Variants in PLEKHM3 observed in about 807,000 individuals in gnomAD.
PLEKHM3 encodes pleckstrin homology domain containing M3.
In PLEKHM3, 45 loss-of-function variants were observed where a neutral mutation model predicts 81.8. The ratio of observed to expected loss-of-function variants is 0.55; its 90% confidence interval spans 0.43 to 0.71. The LOEUF is 0.71. PLEKHM3 is among the 30% of genes least tolerant of loss of function. The probability of loss-of-function intolerance (pLI) is 0.00; values close to 1 mark genes in which losing one functional copy is unlikely to be tolerated. For missense variants in PLEKHM3, 788 were observed against 924.3 expected (o/e 0.85, Z 1.91); for synonymous variants, 352 against 356.4 (o/e 0.99, Z 0.14).
intron 6 of PLEKHM3, among the ~76,000 whole-genome samples, chr2:207,886,284 GGGGATTC>G (rs1432027113): frequency 1.3e-5 from 2 of 152,108 alleles, no homozygotes; most frequent in African/African-American, 2.4e-5. Flanking sequence ...TATGAGCCCA[GGGGATTC>G]CAACAAGAAG....
At chr2:207,982,217 C>T (rs1243312374) in intron 2 of PLEKHM3, among the ~76,000 whole-genome samples, 1 of 143,756 alleles carries the variant, frequency 7.0e-6, no homozygotes, top group East Asian at 2.1e-4. Context: ...TCGTTCCTCC[C>T]TCCCTCCCTC....
At chr2:207,874,143 G>A (rs1011474704) in intron 6 of PLEKHM3, among the ~76,000 whole-genome samples, 13 of 152,210 alleles carry the variant, frequency 8.5e-5, no homozygotes, top group Admixed American at 3.9e-4. Context: ...CTGTACATCC[G>A]GAATATGGAT....
intron 5 of PLEKHM3, among the ~76,000 whole-genome samples, chr2:207,928,937 G>A (rs949191467): frequency 6.6e-6 from 1 of 152,238 alleles, no homozygotes; most frequent in East Asian, 1.9e-4. Context: ...CAGACATTGC[G>A]CTAAGTGAAA....
chr2:207,920,525 C>T (rs1386647024), intron 5 of PLEKHM3, among the ~76,000 whole-genome samples: 2 of 151,944 alleles, frequency 1.3e-5, no homozygotes, highest in Non-Finnish European at 2.9e-5. Flanking sequence ...AAAGCTAGTC[C>T]AAACAGCTGG....
chr2:207,850,402 A>G (rs1229324185), intron 7 of PLEKHM3, among the ~76,000 whole-genome samples: 2 of 152,254 alleles, frequency 1.3e-5, no homozygotes, highest in African/African-American at 2.4e-5. Context: ...AATGTTCTTC[A>G]TAGTGAAAAA....
chr2:208,005,287 T>C (rs1692460951), intron 1 of PLEKHM3, among the ~76,000 whole-genome samples: 1 of 152,238 alleles, frequency 6.6e-6, no homozygotes, highest in Non-Finnish European at 1.5e-5. Context: ...CTATACTTTT[T>C]TCAGAATTCT....
At chr2:207,837,343 A>G (rs1234012065) in intron 7 of PLEKHM3, among the ~76,000 whole-genome samples, 2 of 152,164 alleles carry the variant, frequency 1.3e-5, no homozygotes, top group African/African-American at 4.8e-5. Flanking sequence ...AAATTAAGCC[A>G]TAATTCCAGC....
intron 2 of PLEKHM3, among the ~76,000 whole-genome samples, chr2:207,997,573 C>T (rs770542082): frequency 1.1e-4 from 16 of 152,178 alleles, no homozygotes; most frequent in Non-Finnish European, 2.4e-4. Flanking sequence ...ACCTGTTGAC[C>T]TCATCGAAAG....
intron 6 of PLEKHM3, among the ~76,000 whole-genome samples, chr2:207,908,008 A>G (rs563305812): frequency 1.3e-5 from 2 of 152,340 alleles, no homozygotes; most frequent in East Asian, 3.9e-4. Context: ...ATATTGTAGC[A>G]TGCATCAGTA....
chr2:207,830,379 C>T (rs570979142), intron 7 of PLEKHM3, among the ~76,000 whole-genome samples: 44 of 152,010 alleles, frequency 2.9e-4, no homozygotes, highest in African/African-American at 1.0e-3. Context: ...TTTGGGAGGC[C>T]GAGGTGAGCG....
At chr2:207,944,086 C>T (rs2105964620) in intron 4 of PLEKHM3, among the ~76,000 whole-genome samples, 1 of 151,836 alleles carries the variant, frequency 6.6e-6, no homozygotes, top group Admixed American at 6.6e-5. Context: ...GGGAGATGCC[C>T]AATAGAAAGA....
At chr2:207,832,532 C>G (rs1032520382) in intron 7 of PLEKHM3, among the ~76,000 whole-genome samples, 3 of 152,184 alleles carry the variant, frequency 2.0e-5, no homozygotes, top group Non-Finnish European at 2.9e-5. Flanking sequence ...TGGCTCATGC[C>G]TGTAATCCCA....
At chr2:207,979,699 A>G (rs1691456074) in intron 2 of PLEKHM3, among the ~76,000 whole-genome samples, 1 of 152,132 alleles carries the variant, frequency 6.6e-6, no homozygotes, top group Non-Finnish European at 1.5e-5. Context: ...AAAAAGATAA[A>G]TCATACTGCC....
At chr2:207,920,176 C>G (rs73983638) in intron 5 of PLEKHM3, among the ~76,000 whole-genome samples, 7,181 of 152,162 alleles carry the variant, frequency 0.047, 534 homozygotes, top group African/African-American at 0.16. Flanking sequence ...TTCTCTTGAG[C>G]CTCTCAAGCC....
At chr2:207,935,202 C>T (rs867045006) in intron 4 of PLEKHM3, among the ~76,000 whole-genome samples, 1 of 152,188 alleles carries the variant, frequency 6.6e-6, no homozygotes, top group Non-Finnish European at 1.5e-5. Context: ...GTATGCCACA[C>T]ACCACTTTGT....
intron 5 of PLEKHM3, among the ~76,000 whole-genome samples, chr2:207,915,428 T>C (rs1688954716): frequency 6.6e-6 from 1 of 152,110 alleles, no homozygotes; most frequent in Non-Finnish European, 1.5e-5. Flanking sequence ...CCTGAGAAGT[T>C]CAACTCAGCT....
chr2:208,010,705 T>C (rs978253685), intron 1 of PLEKHM3, among the ~76,000 whole-genome samples: 2 of 152,144 alleles, frequency 1.3e-5, no homozygotes, highest in Admixed American at 6.5e-5. Context: ...AGACCAAATA[T>C]GCAAGATACC....
intron 6 of PLEKHM3, among the ~76,000 whole-genome samples, chr2:207,886,930 C>G (rs544915796): frequency 6.6e-6 from 1 of 152,238 alleles, no homozygotes; most frequent in Non-Finnish European, 1.5e-5. Context: ...GCTCATGACC[C>G]TGAGTAATTT....
intron 6 of PLEKHM3, among the ~76,000 whole-genome samples, chr2:207,885,181 GT>G (rs1687850519): frequency 6.6e-6 from 1 of 152,238 alleles, no homozygotes; most frequent in Non-Finnish European, 1.5e-5. Context: ...GCTCTGACTA[GT>G]TTCTACTCTC....
Sources: gnomAD v4.1 joint callset for allele counts (sites outside exome capture counted in the v4.1 genomes callset) on GRCh38, gnomAD v4.1.1 for gene constraint, MANE v1.5 for transcripts, NCBI Gene and HGNC (gene_info 2026-07-23, HGNC 2026-07-21) for gene names.